The following GLS variants were observed in gnomAD, a reference collection of about 807,000 sequenced individuals.
GLS encodes the protein glutaminase, also known as glutaminase kidney isoform, mitochondrial.
Under a neutral mutation model 86.7 loss-of-function variants are expected in GLS, and 36 were observed. The ratio of observed to expected loss-of-function variants is 0.42; its 90% CI spans 0.32 to 0.55. GLS has a LOEUF of 0.55. Ranked by LOEUF, GLS falls within the 20% of genes least tolerant of loss-of-function variation. The pLI, the probability that GLS is intolerant of heterozygous loss-of-function variation, is 0.17. For synonymous variants in GLS, 317 were observed against 305.9 expected (o/e 1.04, Z -0.38); for missense variants, 528 against 833.4 (o/e 0.63, Z 4.51).
Position 190,927,524 on chromosome 2 carries a change from G to A in GLS, c.1425+42G>A, listed in dbSNP as rs199939655. On this transcript the variant is annotated intron_variant, in intron 12 of 17. Transcript: ENST00000320717. ...TCTTATTTTCTCTGGCAAGAAACTA[G>A]TCTGAACTGGTTCTTTTAAAAATGC... 3.7e-6 allele frequency: 5 copies of A among 1,369,552 alleles called. No individual in the cohort carries two copies. The African/African-American group carries it at 7.3e-5, about 20-fold the overall frequency. The allele number at this position is 1,369,552 out of a possible 1,614,324, so 84.8% of individuals were successfully genotyped here.
chr2:190,880,849 A>G lies in GLS; in HGVS notation c.-236A>G, dbSNP rs1028944206. ...GCGGAGCCTTAGGCGGAGCGAAGAG[A>G]ACCGGTCGCGGCAATCCTAGCGCGC... On this transcript the variant is annotated 5_prime_UTR_variant, in exon 1 of 18. Coordinates refer to ENST00000320717, the MANE Select transcript of GLS (RefSeq NM_014905.5). The G allele has an allele frequency of 1.1e-5, 9 of 803,508 alleles. No homozygotes were observed. Among genetic ancestry groups the G allele is most frequent in the South Asian group, 4.4e-5 (3 of 68,080 alleles). The allele number at this position is 803,508 out of a possible 1,614,324, so 49.8% of individuals were successfully genotyped here.
At position 190,964,514 on chromosome 2, in the gene GLS, CTTTCAT is replaced by C. The variant is rs751206827; in HGVS notation, c.*1534_*1539del. On this transcript the variant is annotated 3_prime_UTR_variant, in exon 18 of 18. Coordinates refer to ENST00000320717, the MANE Select transcript of GLS (RefSeq NM_014905.5). This position sits in a 1 kb window ranked among gnomAD's most constrained non-coding sequence, Gnocchi z 5.2. ...ACCTTACTCCAGCAGCCTCCAGGTG[CTTTCAT>C]TTTCACTTCCAGTCTAAGCCAGTGG... The C allele has an allele frequency of 1.3e-5, 2 of 152,166 alleles. No individual in the cohort carries two copies. Among genetic ancestry groups the C allele is most frequent in the Non-Finnish European group, 2.9e-5 (2 of 68,020 alleles). The allele number at this position is 152,166 out of a possible 1,614,324, so 9.4% of individuals were successfully genotyped here. A position where few individuals can be genotyped will look rare whatever the true frequency, so the allele number is the denominator to read the frequency against.
chr2:190,892,757 G>A (rs113072283), intron 1 of GLS, among the ~76,000 whole-genome samples: 2,270 of 152,104 alleles, frequency 0.015, 57 homozygotes, highest in African/African-American at 0.05. Context: ...TGCTGAAATA[G>A]GTAGTAATTT....
chr2:190,939,291 C>T (rs1057216847), intron 14 of GLS, among the ~76,000 whole-genome samples: 4 of 151,572 alleles, frequency 2.6e-5, no homozygotes, highest in Non-Finnish European at 5.9e-5. Context: ...GTATTGAGTT[C>T]TTGAAATATG....
rs1688170735 is a variant in GLS, at chr2:190,881,416, A to AC, written c.332_333insC (p.Glu111AspfsTer18). 1 of 1,544,352 alleles carries AC rather than the reference A, an allele frequency of 6.5e-7. No individual in the cohort carries two copies. The highest frequency in any genetic ancestry group is 8.7e-7 in the Non-Finnish European group (1 of 1,144,824). ...CCCGGCCCCAAGGACGGCCCCGGGG[A>AC]GACGGACGCGTTTGGCAACAGCGAG... On this transcript the variant is annotated frameshift_variant, in exon 1 of 18. Coordinates refer to ENST00000320717, the MANE Select transcript of GLS (RefSeq NM_014905.5). LOFTEE classifies it high-confidence loss of function.
Position 190,935,845 on chromosome 2 carries a change from T to G in GLS, c.1650+4208T>G, listed in dbSNP as rs1329152489. Among the ~76,000 whole-genome samples, 1 of 151,238 alleles carries G rather than the reference T, an allele frequency of 6.6e-6. No homozygotes were observed. Among genetic ancestry groups the G allele is most frequent in the Non-Finnish European group, 1.5e-5 (1 of 67,274 alleles). On this transcript the variant is annotated intron_variant, in intron 14 of 17. Transcript: ENST00000320717. This position sits in a 1 kb window ranked among gnomAD's most constrained non-coding sequence, Gnocchi z 4.2. ...TTAACTGGTTTCTGAGGGGATTACATTTTCAGAAGGAATTTTGTATATTTC... is the reference window on the plus strand; with the variant it reads ...TTAACTGGTTTCTGAGGGGATTACAGTTTCAGAAGGAATTTTGTATATTTC...
At chr2:190,934,413 T>A (rs938669321) in intron 14 of GLS, 1 of 946,698 alleles carries the variant, frequency 1.1e-6, no homozygotes, top group Non-Finnish European at 1.3e-6. Flanking sequence ...TAAATAATTA[T>A]ATTTTAAGTT....
In GLS at chr2:190,956,981, T is replaced by G. The variant is rs1481728332; in HGVS notation, c.1853+2163T>G. On this transcript the variant is annotated intron_variant, in intron 17 of 17. Coordinates refer to ENST00000320717, the MANE Select transcript of GLS (RefSeq NM_014905.5). The surrounding 1 kb of genome is among the most constrained non-coding windows in gnomAD (Gnocchi z 4.2). ...TATCTTGAGACTTTGCTGAAGTTGC[T>G]TATCAGCTTAAGGAGATTTTGGGCC... 6.6e-6 allele frequency among the ~76,000 whole-genome samples: 1 copy of G among 152,240 alleles called. No homozygotes were observed. Among genetic ancestry groups the G allele is most frequent in the Non-Finnish European group, 1.5e-5 (1 of 68,038 alleles).
chr2:190,881,426 G>T lies in GLS; in HGVS notation c.342G>T (p.Ala114=), dbSNP rs1251396407. 3 of 1,545,830 alleles carry T rather than the reference G, an allele frequency of 1.9e-6. No individual in the cohort carries two copies. The highest frequency in any genetic ancestry group is 4.9e-5 in the East Asian group (2 of 40,478). Residue 114 remains alanine (A), a synonymous_variant, in exon 1 of 18, where the codon GCG becomes GCT. Coordinates refer to ENST00000320717, the MANE Select transcript of GLS (RefSeq NM_014905.5). ...AGGACGGCCCCGGGGAGACGGACGC[G>T]TTTGGCAACAGCGAGGGCAAAGAGC... The part of the protein sequence containing the change: ...GPKDGPGETD[A]FGNSEGKELV...
At chr2:190,903,493 C>T (rs1159319740) in intron 5 of GLS, among the ~76,000 whole-genome samples, 1 of 152,156 alleles carries the variant, frequency 6.6e-6, no homozygotes, top group Non-Finnish European at 1.5e-5. Flanking sequence ...GTGACTTTAT[C>T]CCTTGAAGCA....
rs546484486 is a variant in GLS at position 190,955,286 on chromosome 2, AC to A, written c.1853+473del. 6.6e-6 allele frequency among the ~76,000 whole-genome samples: 1 copy of A among 151,720 alleles called. No homozygotes were observed. Among genetic ancestry groups the A allele is most frequent in the Non-Finnish European group, 1.5e-5 (1 of 67,944 alleles). The stretch of plus-strand genomic sequence containing the variant: ...CTAATGCGATCCCTCCCTTACCCTG[AC>A]CCCCAAACAGGCCCTGGTGTGTGAT... On this transcript the variant is annotated intron_variant, in intron 17 of 17. Coordinates refer to ENST00000320717, the MANE Select transcript of GLS (RefSeq NM_014905.5). This position sits in a 1 kb window ranked among gnomAD's most constrained non-coding sequence, Gnocchi z 5.6.
At chr2:190,944,776 A>G (rs1474169463) in intron 14 of GLS, among the ~76,000 whole-genome samples, 3 of 152,134 alleles carry the variant, frequency 2.0e-5, no homozygotes, top group African/African-American at 7.2e-5. Context: ...ATTCACATTC[A>G]CCCAACTCAC....
At chr2:190,933,873 G>A (rs1045138432) in intron 14 of GLS, 10 of 881,292 alleles carry the variant, frequency 1.1e-5, no homozygotes, top group African/African-American at 3.6e-5. Flanking sequence ...TTAGTCTGCA[G>A]GTAGTAAGTA....
intron 7 of GLS, among the ~76,000 whole-genome samples, chr2:190,910,532 A>G (rs929863195): frequency 3.9e-5 from 6 of 151,960 alleles, no homozygotes; most frequent in African/African-American, 1.4e-4. Flanking sequence ...GACTCATTGT[A>G]AATTCCAACA....
At chr2:190,906,153 A>G (rs1240557224) in intron 6 of GLS, among the ~76,000 whole-genome samples, 7 of 152,150 alleles carry the variant, frequency 4.6e-5, no homozygotes, top group Admixed American at 3.9e-4. Flanking sequence ...AACAACTTCA[A>G]TAAGGACATC....
At position 190,954,407 on chromosome 2, in the gene GLS, A is replaced by C. The variant is rs1415910451; in HGVS notation, c.1713-177A>C. On this transcript the variant is annotated intron_variant, in intron 15 of 17. Coordinates refer to ENST00000320717, the MANE Select transcript of GLS (RefSeq NM_014905.5). The surrounding 1 kb of genome is among the most constrained non-coding windows in gnomAD (Gnocchi z 4.0). ...AAAGCAAAGCTGAGGAAGAGAGGTG[A>C]AGTGGCATCTACCCAAAACACCTGT... Among the ~76,000 whole-genome samples, 2 of 152,212 alleles carry C rather than the reference A, an allele frequency of 1.3e-5. No individual in the cohort carries two copies. Among genetic ancestry groups the C allele is most frequent in the Admixed American group, 6.5e-5 (1 of 15,278 alleles).
rs995775564 is a variant in GLS at position 190,920,746 on chromosome 2, T to C, written c.1039-278T>C. ...CTGTCATGAAAGATAAGGGAATTCA[T>C]GGTAACTTGTATTTAAAATTCTGTA... On this transcript the variant is annotated intron_variant, in intron 7 of 17. Coordinates refer to ENST00000320717, the MANE Select transcript of GLS (RefSeq NM_014905.5). This position sits in a 1 kb window ranked among gnomAD's most constrained non-coding sequence, Gnocchi z 4.2. Among the ~76,000 whole-genome samples, 2 of 151,788 alleles carry C rather than the reference T, an allele frequency of 1.3e-5. No individual in the cohort carries two copies. Among genetic ancestry groups the C allele is most frequent in the African/African-American group, 2.4e-5 (1 of 41,426 alleles).
intron 1 of GLS, among the ~76,000 whole-genome samples, chr2:190,886,916 CA>C (rs11299475): frequency 0.88 from 103,587 of 118,364 alleles, 44,837 homozygotes; most frequent in Non-Finnish European, 0.9. Flanking sequence ...ACTCTTGTCT[CA>C]AAAAAAAAAA....
chr2:190,907,505 C>T (rs1304791726), intron 6 of GLS, among the ~76,000 whole-genome samples: 3 of 152,174 alleles, frequency 2.0e-5, no homozygotes, highest in Admixed American at 2.0e-4. Context: ...ATCTGCCTGC[C>T]TCAGCCTCCC....
Sources: allele counts gnomAD v4.1 joint callset (sites outside exome capture counted in the v4.1 genomes callset), GRCh38; gene constraint gnomAD v4.1.1; non-coding constraint Gnocchi (gnomAD v3.1); transcripts MANE v1.5; gene names NCBI Gene and HGNC (gene_info 2026-07-23, HGNC 2026-07-21).